Variants in CDK14 observed in about 807,000 individuals in gnomAD.
The protein encoded by CDK14 is cyclin dependent kinase 14.
In CDK14, 34 loss-of-function variants were observed where a neutral mutation model predicts 60.7. The observed-to-expected ratio is 0.56, with a 90% CI of 0.43 to 0.75. CDK14 has a LOEUF of 0.75. Among genes scored for constraint, CDK14 ranks in the 30% least tolerant of loss-of-function variants. The pLI is 0.00. For missense variants in CDK14, 482 were observed against 564.1 expected (o/e 0.85, Z 1.47); for synonymous variants, 197 against 203.7 (o/e 0.97, Z 0.28).
At chr7:91,201,214 A>T (rs1802709864) in intron 14 of CDK14, among the ~76,000 whole-genome samples, 2 of 152,188 alleles carry the variant, frequency 1.3e-5, no homozygotes, top group South Asian at 4.1e-4. Context: ...AGAGAAACTA[A>T]ACGTATTATA....
At chr7:90,774,767 G>T (rs1032286544) in intron 4 of CDK14, among the ~76,000 whole-genome samples, 8 of 152,226 alleles carry the variant, frequency 5.3e-5, no homozygotes, top group South Asian at 4.1e-4. Context: ...TCAGGGGTGT[G>T]TATGTGTGTT....
chr7:90,686,915 CA>C (rs1248176126), intron 2 of CDK14, among the ~76,000 whole-genome samples: 1 of 151,904 alleles, frequency 6.6e-6, no homozygotes, highest in Non-Finnish European at 1.5e-5. Context: ...ATTGTATGAG[CA>C]AGAGAAGATG....
chr7:91,145,148 CAGAG>C lies in CDK14; in HGVS notation c.*28+26941_*28+26944del, dbSNP rs1443420986. 7.2e-5 allele frequency among the ~76,000 whole-genome samples: 11 copies of C among 152,200 alleles called. No individual in the cohort carries two copies. The East Asian group carries it at 2.1e-3, about 29-fold the overall frequency. On this transcript the variant is annotated intron_variant, in intron 14 of 14. Transcript: ENST00000380050. ...TAAGAAAAACACTAACTGGATACGACAGAGGGAGGGATGACCTATTCTCTTCAGT... is the reference window on the plus strand; with the variant it reads ...TAAGAAAAACACTAACTGGATACGACGGAGGGATGACCTATTCTCTTCAGT...
At chr7:91,007,189 T>G (rs569713698) in intron 10 of CDK14, among the ~76,000 whole-genome samples, 7 of 152,316 alleles carry the variant, frequency 4.6e-5, no homozygotes, top group Admixed American at 1.3e-4. Context: ...TTAGTGCCAG[T>G]GTTACTGACT....
At chr7:90,823,627 C>A (rs867446795) in intron 5 of CDK14, among the ~76,000 whole-genome samples, 2 of 152,116 alleles carry the variant, frequency 1.3e-5, no homozygotes, top group African/African-American at 2.4e-5. Context: ...GTAGGTATTT[C>A]GAATCAACCA....
intron 8 of CDK14, among the ~76,000 whole-genome samples, chr7:90,933,165 C>T (rs2117479103): frequency 6.6e-6 from 1 of 151,848 alleles, no homozygotes; most frequent in Non-Finnish European, 1.5e-5. Context: ...CATGGTGAAA[C>T]CCCAACTCTA....
chr7:91,180,354 A>G (rs1369557416), intron 14 of CDK14, among the ~76,000 whole-genome samples: 1 of 152,202 alleles, frequency 6.6e-6, no homozygotes, highest in Non-Finnish European at 1.5e-5. Context: ...TTAAATAGTC[A>G]TTAAGGTAAT....
rs140958882 is a variant in CDK14 at position 90,748,711 on chromosome 7, T to C, written c.464+936T>C. 4.9e-3 allele frequency among the ~76,000 whole-genome samples: 744 copies of C among 152,252 alleles called. 3 individuals are homozygous for C. The highest frequency in any genetic ancestry group is 0.016 in the African/African-American group (673 of 41,532). ...AGTCCTCTTGCCTTAGCCTCCTGAG[T>C]AACTGGGACTACAAGCCCATGCCAT... On this transcript the variant is annotated intron_variant, in intron 4 of 14. Coordinates refer to ENST00000380050, the MANE Select transcript of CDK14 (RefSeq NM_001287135.2).
intron 5 of CDK14, among the ~76,000 whole-genome samples, chr7:90,817,545 A>T (rs1381559695): frequency 1.3e-5 from 2 of 152,068 alleles, no homozygotes; most frequent in Non-Finnish European, 2.9e-5. Flanking sequence ...GGATTATAAA[A>T]TTTTCTTGAT....
At chr7:90,951,622 C>T (rs1270355380) in intron 8 of CDK14, among the ~76,000 whole-genome samples, 1 of 151,788 alleles carries the variant, frequency 6.6e-6, no homozygotes, top group Non-Finnish European at 1.5e-5. Flanking sequence ...AATTTTACCA[C>T]CTACAAAAAA....
At chr7:90,856,306 A>G (rs1378573747) in intron 5 of CDK14, among the ~76,000 whole-genome samples, 1 of 152,180 alleles carries the variant, frequency 6.6e-6, no homozygotes, top group African/African-American at 2.4e-5. Flanking sequence ...CTTTGTACAT[A>G]TGTGTGTATA....
intron 5 of CDK14, among the ~76,000 whole-genome samples, chr7:90,852,040 A>G (rs1402585999): frequency 6.6e-6 from 1 of 152,082 alleles, no homozygotes; most frequent in African/African-American, 2.4e-5. Context: ...CTGGGACTAC[A>G]GGCATGTGCC....
intron 4 of CDK14, among the ~76,000 whole-genome samples, chr7:90,786,542 A>G (rs1805589926): frequency 6.6e-6 from 1 of 152,214 alleles, no homozygotes; most frequent in African/African-American, 2.4e-5. Context: ...ATACAGTAAT[A>G]TATCTTTTTG....
At chr7:90,667,518 C>T (rs28453225) in intron 2 of CDK14, among the ~76,000 whole-genome samples, 13,844 of 151,768 alleles carry the variant, frequency 0.091, 861 homozygotes, top group East Asian at 0.19. Flanking sequence ...CTTTACTGGC[C>T]TCTTTCATTT....
intron 9 of CDK14, among the ~76,000 whole-genome samples, chr7:90,972,190 C>A (rs1464191911): frequency 6.6e-6 from 1 of 152,252 alleles, no homozygotes; most frequent in African/African-American, 2.4e-5. Context: ...TATTTTCATT[C>A]CTTAAGAGCA....
At chr7:90,923,497 C>T (rs1030975531) in intron 8 of CDK14, among the ~76,000 whole-genome samples, 2 of 152,126 alleles carry the variant, frequency 1.3e-5, no homozygotes, top group Non-Finnish European at 2.9e-5. Flanking sequence ...TATGCATATA[C>T]TATTCCATCT....
At chr7:90,927,579 T>G (rs1440766481) in intron 8 of CDK14, among the ~76,000 whole-genome samples, 1 of 152,134 alleles carries the variant, frequency 6.6e-6, no homozygotes, top group Non-Finnish European at 1.5e-5. Context: ...ACAGAAGTAC[T>G]AAAGTACATA....
chr7:90,778,705 T>C (rs964598375), intron 4 of CDK14, among the ~76,000 whole-genome samples: 1 of 152,186 alleles, frequency 6.6e-6, no homozygotes, highest in Non-Finnish European at 1.5e-5. Flanking sequence ...CCTTCTCTTC[T>C]TTATTTTTGT....
intron 5 of CDK14, among the ~76,000 whole-genome samples, chr7:90,850,512 C>T (rs1722895399): frequency 6.6e-6 from 1 of 152,094 alleles, no homozygotes; most frequent in Non-Finnish European, 1.5e-5. Context: ...CCTCACTTAA[C>T]CTTGGGGGTC....
Sources: gnomAD v4.1 joint callset for allele counts (sites outside exome capture counted in the v4.1 genomes callset) on GRCh38, gnomAD v4.1.1 for gene constraint, MANE v1.5 for transcripts, NCBI Gene and HGNC (gene_info 2026-07-23, HGNC 2026-07-21) for gene names.